Variants in PRKCE observed in about 807,000 individuals in gnomAD.
PRKCE encodes the protein protein kinase C epsilon, also known as protein kinase C epsilon type.
PRKCE carries 16 observed loss-of-function variants against 85.4 expected under a neutral mutation model. That is an observed-to-expected ratio of 0.19 (90% confidence interval 0.13 to 0.28). The LOEUF (loss-of-function observed/expected upper bound fraction) is 0.28. Ranked by LOEUF, PRKCE falls within the 10% of genes least tolerant of loss-of-function variation. The pLI is 1.00. For synonymous variants in PRKCE, 388 were observed against 371.5 expected (o/e 1.04, Z -0.51); for missense variants, 573 against 975.2 (o/e 0.59, Z 5.49).
chr2:45,947,132 C>G (rs1271610721), intron 2 of PRKCE, among the ~76,000 whole-genome samples: 2 of 152,118 alleles, frequency 1.3e-5, no homozygotes, highest in Non-Finnish European at 2.9e-5. Context: ...GAATGTTATT[C>G]AGAAATAAAA....
chr2:46,110,957 C>T (rs1226992038), intron 11 of PRKCE, among the ~76,000 whole-genome samples: 1 of 152,132 alleles, frequency 6.6e-6, no homozygotes, highest in Non-Finnish European at 1.5e-5. Flanking sequence ...CCCATGTGCT[C>T]TTTAAAAGTG....
chr2:45,868,077 G>T (rs1299676698), intron 2 of PRKCE, among the ~76,000 whole-genome samples: 4 of 152,060 alleles, frequency 2.6e-5, no homozygotes, highest in African/African-American at 9.7e-5. Context: ...CTTTTTGGCT[G>T]CATTGTTCTC....
At chr2:45,737,059 G>A (rs533921722) in intron 1 of PRKCE, among the ~76,000 whole-genome samples, 2 of 152,322 alleles carry the variant, frequency 1.3e-5, no homozygotes, top group South Asian at 4.1e-4. Context: ...CTGCCTGTGT[G>A]CTGTCAGGCC....
At chr2:46,014,608 A>T (rs1264888898) in intron 10 of PRKCE, among the ~76,000 whole-genome samples, 3 of 152,242 alleles carry the variant, frequency 2.0e-5, no homozygotes, top group African/African-American at 7.2e-5. Context: ...GCTATAAAAA[A>T]ATTATGGCCT....
intron 10 of PRKCE, among the ~76,000 whole-genome samples, chr2:46,036,642 G>A (rs1339702211): frequency 6.6e-6 from 1 of 152,122 alleles, no homozygotes; most frequent in East Asian, 1.9e-4. Context: ...CACACACTAA[G>A]GAGCACAGAG....
At chr2:45,939,369 G>T (rs1254835821) in intron 2 of PRKCE, among the ~76,000 whole-genome samples, 1 of 152,174 alleles carries the variant, frequency 6.6e-6, no homozygotes, top group African/African-American at 2.4e-5. Context: ...CTGTCAGGCA[G>T]TTGGGCCTTG....
At chr2:46,179,591 A>G (rs760404066) in intron 14 of PRKCE, among the ~76,000 whole-genome samples, 1 of 152,188 alleles carries the variant, frequency 6.6e-6, no homozygotes, top group Non-Finnish European at 1.5e-5. Flanking sequence ...TTCCTCTAAC[A>G]TCAGCCACAG....
In PRKCE at chr2:46,005,525, G is replaced by T. The variant is rs554563511; in HGVS notation, c.1063+887G>T. Among the ~76,000 whole-genome samples, 6 of 152,284 alleles carry T rather than the reference G, an allele frequency of 3.9e-5. No homozygotes were observed. In the East Asian group the frequency reaches 1.2e-3, roughly 29 times the overall value. The stretch of plus-strand genomic sequence containing the variant: ...TACTGTCCCCCAGGTTAGTGAGTGG[G>T]AAGTGGGAGGTCAGAGTGTGGAAAA... On this transcript the variant is annotated intron_variant, in intron 8 of 14. Coordinates refer to ENST00000306156, the MANE Select transcript of PRKCE (RefSeq NM_005400.3).
chr2:45,738,076 T>C (rs1373460030), intron 1 of PRKCE, among the ~76,000 whole-genome samples: 1 of 152,166 alleles, frequency 6.6e-6, no homozygotes, highest in African/African-American at 2.4e-5. Context: ...GCAAACCTTT[T>C]GTCTGGGCTC....
At chr2:45,775,484 A>T (rs151194017) in intron 1 of PRKCE, among the ~76,000 whole-genome samples, 1 of 152,190 alleles carries the variant, frequency 6.6e-6, no homozygotes, top group African/African-American at 2.4e-5. Flanking sequence ...AGAGCCCCCA[A>T]ACATTTCCAT....
Position 45,795,728 on chromosome 2 carries a change from C to T in PRKCE, c.349-47272C>T, listed in dbSNP as rs575429766. ...AAACTGGCTCTGTGGGCCCTGGTTCCGTCAGCAGGGTGCTTCCTGGGATTG... is the reference window on the plus strand; with the variant it reads ...AAACTGGCTCTGTGGGCCCTGGTTCTGTCAGCAGGGTGCTTCCTGGGATTG... On this transcript the variant is annotated intron_variant, in intron 1 of 14. Transcript: ENST00000306156. 3.9e-5 allele frequency among the ~76,000 whole-genome samples: 6 copies of T among 152,318 alleles called. No homozygotes were observed. The South Asian group carries it at 8.3e-4, about 21-fold the overall frequency.
intron 2 of PRKCE, among the ~76,000 whole-genome samples, chr2:45,910,660 C>T (rs192967907): frequency 2.4e-4 from 37 of 152,318 alleles, no homozygotes; most frequent in Admixed American, 2.3e-3. Context: ...AGCTCAGTGT[C>T]TCACAGCAGG....
chr2:45,942,038 C>G (rs1277420285), intron 2 of PRKCE, among the ~76,000 whole-genome samples: 1 of 152,190 alleles, frequency 6.6e-6, no homozygotes, highest in Non-Finnish European at 1.5e-5. Flanking sequence ...GAAACCAAAC[C>G]TAATTGCTGT....
intron 1 of PRKCE, among the ~76,000 whole-genome samples, chr2:45,775,764 A>T (rs1685701678): frequency 6.6e-6 from 1 of 152,096 alleles, no homozygotes; most frequent in Non-Finnish European, 1.5e-5. Flanking sequence ...TCTGCTCAGA[A>T]TCCCACAGTG....
At chr2:45,744,415 TTCTTTC>T (rs1468829648) in intron 1 of PRKCE, among the ~76,000 whole-genome samples, 39 of 10,230 alleles carry the variant, frequency 3.8e-3, no homozygotes, top group Non-Finnish European at 8.4e-3. Flanking sequence ...TTCTTTTCTT[TTCTTTC>T]TTTCTTTCTT....
intron 1 of PRKCE, among the ~76,000 whole-genome samples, chr2:45,715,029 G>C (rs958908832): frequency 6.6e-6 from 1 of 152,226 alleles, no homozygotes; most frequent in Non-Finnish European, 1.5e-5. Flanking sequence ...CCTGAAACAG[G>C]CTGGAGTTGT....
chr2:45,849,973 G>T (rs1405250402), intron 2 of PRKCE, among the ~76,000 whole-genome samples: 4 of 152,196 alleles, frequency 2.6e-5, no homozygotes, highest in Non-Finnish European at 5.9e-5. Context: ...CCCCATCAAG[G>T]AGTTTATAAT....
At chr2:46,179,079 C>CT (rs1209495764) in intron 14 of PRKCE, among the ~76,000 whole-genome samples, 5 of 152,128 alleles carry the variant, frequency 3.3e-5, no homozygotes, top group Non-Finnish European at 7.3e-5. Flanking sequence ...TGTGCTGTTG[C>CT]TGTCACGCCA....
chr2:45,912,690 G>A (rs1027568512), intron 2 of PRKCE, among the ~76,000 whole-genome samples: 20 of 152,250 alleles, frequency 1.3e-4, no homozygotes, highest in East Asian at 5.8e-4. Flanking sequence ...GCATCTCACC[G>A]AAAATCTGCA....
Sources: gnomAD v4.1 joint callset for allele counts (sites outside exome capture counted in the v4.1 genomes callset) on GRCh38, gnomAD v4.1.1 for gene constraint, MANE v1.5 for transcripts, NCBI Gene and HGNC (gene_info 2026-07-23, HGNC 2026-07-21) for gene names.